KLF12: variants seen among roughly 807,000 people sequenced by gnomAD.
KLF12 encodes the protein KLF transcription factor 12.
Under a neutral mutation model 37.8 loss-of-function variants are expected in KLF12, and 9 were observed. The observed-to-expected ratio is 0.24, with a 90% CI of 0.14 to 0.42. The LOEUF is 0.42. Ranked by LOEUF, KLF12 falls within the 10% of genes least tolerant of loss-of-function variation. The pLI is 1.00. For synonymous variants in KLF12, 208 were observed against 202.1 expected (o/e 1.03, Z -0.25); for missense variants, 411 against 516.0 (o/e 0.80, Z 1.97).
At chr13:73,814,861 G>C (rs1460493962) in intron 4 of KLF12, among the ~76,000 whole-genome samples, 1 of 151,986 alleles carries the variant, frequency 6.6e-6, no homozygotes, top group Non-Finnish European at 1.5e-5. Flanking sequence ...AGCAAAGACT[G>C]AACCAGTCCA....
chr13:73,857,898 G>A (rs1385678100), intron 3 of KLF12, among the ~76,000 whole-genome samples: 1 of 152,050 alleles, frequency 6.6e-6, no homozygotes, highest in East Asian at 1.9e-4. Flanking sequence ...TTCAATGGCA[G>A]GGAAACTTTT....
chr13:73,771,380 A>C (rs1185242247), intron 5 of KLF12, among the ~76,000 whole-genome samples: 1 of 152,238 alleles, frequency 6.6e-6, no homozygotes, highest in Non-Finnish European at 1.5e-5. Context: ...TACAACTTCC[A>C]GGATGGATGC....
the KLF12 span, among the ~76,000 whole-genome samples, chr13:74,286,238 G>A: frequency 6.6e-6 from 1 of 152,122 alleles, no homozygotes; most frequent in Non-Finnish European, 1.5e-5. Flanking sequence ...TGAAATGGAT[G>A]TGAGGTAATG....
At chr13:73,861,463 C>T (rs1339497350) in intron 3 of KLF12, among the ~76,000 whole-genome samples, 4 of 152,164 alleles carry the variant, frequency 2.6e-5, no homozygotes, top group African/African-American at 9.7e-5. Flanking sequence ...ATTTGGCATT[C>T]TTATTTACAC....
At chr13:74,091,983 C>T (rs1463703368) in intron 1 of KLF12, among the ~76,000 whole-genome samples, 2 of 141,764 alleles carry the variant, frequency 1.4e-5, no homozygotes, top group Non-Finnish European at 3.1e-5. Context: ...TGCTCTAAAA[C>T]AAAGCAACCT....
At chr13:73,785,043 C>G (rs768163141) in intron 5 of KLF12, among the ~76,000 whole-genome samples, 1 of 151,944 alleles carries the variant, frequency 6.6e-6, no homozygotes, top group Non-Finnish European at 1.5e-5. Flanking sequence ...CATAGTAGGG[C>G]TACTCCAGAG....
At chr13:74,017,204 C>T (rs368536483) in intron 1 of KLF12, among the ~76,000 whole-genome samples, 1 of 124,758 alleles carries the variant, frequency 8.0e-6, no homozygotes, top group African/African-American at 3.1e-5. Context: ...GAGTGAACTA[C>T]ACTTTAGTCA....
chr13:74,095,605 T>C (rs1277755689), intron 1 of KLF12, among the ~76,000 whole-genome samples: 2 of 151,732 alleles, frequency 1.3e-5, no homozygotes, highest in Non-Finnish European at 2.9e-5. Context: ...CTGAGGCTGG[T>C]CTCAAACTCC....
At chr13:73,720,179 T>C (rs1297123560) in intron 6 of KLF12, among the ~76,000 whole-genome samples, 1 of 152,136 alleles carries the variant, frequency 6.6e-6, no homozygotes, top group African/African-American at 2.4e-5. Flanking sequence ...GGCAATATTA[T>C]CTTGCCCCAT....
At chr13:73,812,497 T>G (rs146911699) in intron 5 of KLF12, among the ~76,000 whole-genome samples, 25 of 152,140 alleles carry the variant, frequency 1.6e-4, no homozygotes, top group African/African-American at 5.5e-4. Flanking sequence ...GTATATAAAG[T>G]TTAATGTGTC....
At chr13:74,020,725 C>G (rs1445434307) in intron 1 of KLF12, among the ~76,000 whole-genome samples, 1 of 152,014 alleles carries the variant, frequency 6.6e-6, no homozygotes, top group Non-Finnish European at 1.5e-5. Context: ...CCCGTTTCTA[C>G]TAAAAACACA....
intron 1 of KLF12, among the ~76,000 whole-genome samples, chr13:74,102,416 G>C (rs1377458409): frequency 6.6e-6 from 1 of 151,844 alleles, no homozygotes; most frequent in African/African-American, 2.4e-5. Flanking sequence ...TAACATCATT[G>C]GCTGGGCGCA....
chr13:73,863,287 A>G (rs1886016251), intron 3 of KLF12, among the ~76,000 whole-genome samples: 1 of 152,170 alleles, frequency 6.6e-6, no homozygotes, highest in Admixed American at 6.6e-5. Flanking sequence ...GTCTTATGTG[A>G]TAAATTAGAG....
intron 5 of KLF12, among the ~76,000 whole-genome samples, chr13:73,789,335 T>C (rs1180570553): frequency 2.0e-5 from 3 of 152,202 alleles, no homozygotes; most frequent in East Asian, 3.9e-4. Context: ...CTACATCTTC[T>C]TTCTGTAAAT....
chr13:73,817,853 G>A (rs1465316615), intron 4 of KLF12, among the ~76,000 whole-genome samples: 12 of 152,208 alleles, frequency 7.9e-5, no homozygotes, highest in African/African-American at 2.9e-4. Flanking sequence ...TTTTGGTCTA[G>A]ACTGTTGTCT....
At chr13:74,215,219 C>T in the KLF12 span, among the ~76,000 whole-genome samples, 6 of 151,878 alleles carry the variant, frequency 4.0e-5, no homozygotes, top group Non-Finnish European at 7.4e-5. Flanking sequence ...TTTTATGCTA[C>T]AAATTTTGTA....
chr13:74,106,343 A>T (rs796376881), intron 1 of KLF12, among the ~76,000 whole-genome samples: 22 of 152,290 alleles, frequency 1.4e-4, no homozygotes, highest in African/African-American at 5.1e-4. Flanking sequence ...TTATCTAAAA[A>T]CATCATTTAT....
At chr13:73,881,049 C>A (rs1350370835) in intron 3 of KLF12, among the ~76,000 whole-genome samples, 1 of 152,256 alleles carries the variant, frequency 6.6e-6, no homozygotes, top group Non-Finnish European at 1.5e-5. Flanking sequence ...CCCAAACATG[C>A]TCTCTAGAGA....
the KLF12 span, among the ~76,000 whole-genome samples, chr13:74,222,606 T>G: frequency 6.6e-6 from 1 of 152,232 alleles, no homozygotes; most frequent in Non-Finnish European, 1.5e-5. Context: ...CCAAAAAAGC[T>G]TTAGAATCAG....
Sources: allele counts gnomAD v4.1 joint callset (sites outside exome capture counted in the v4.1 genomes callset), GRCh38; gene constraint gnomAD v4.1.1; transcripts MANE v1.5; gene names NCBI Gene and HGNC (gene_info 2026-07-23, HGNC 2026-07-21).